DAB1: variants seen among roughly 807,000 people sequenced by gnomAD.
DAB1 encodes the protein DAB adaptor protein 1.
In DAB1, 15 loss-of-function variants were observed where a neutral mutation model predicts 64.6. The observed-to-expected ratio is 0.23, with a 90% CI of 0.16 to 0.36. DAB1 has a LOEUF of 0.36. Ranked by LOEUF, DAB1 falls within the 10% of genes least tolerant of loss-of-function variation. DAB1 has a pLI of 1.00. For synonymous variants in DAB1, 235 were observed against 251.9 expected, an observed-to-expected ratio of 0.93 and a Z score of 0.64; for missense variants, 596 against 706.7, an observed-to-expected ratio of 0.84 and a Z score of 1.78.
chr1:57,315,784 G>A lies in DAB1; in HGVS notation c.-136-24618C>T, dbSNP rs189882923. Among the ~76,000 whole-genome samples the A allele has an allele frequency of 3.9e-3, 597 of 152,298 alleles. 3 individuals carry two copies. Among genetic ancestry groups the A allele is most frequent in the Middle Eastern group, 6.8e-3 (2 of 294 alleles). On this transcript the variant is annotated intron_variant, in intron 1 of 14. Transcript: ENST00000371236. ...CCCAAAGTGCTGGGATTACAGGCAT[G>A]AGCCACCGCGCCCGGCCACCTATTA... is the stretch of plus-strand genomic sequence containing the variant.
At chr1:57,564,420 A>C (rs1645091477) in intron 7 of DAB1, among the ~76,000 whole-genome samples, 1 of 152,220 alleles carries the variant, frequency 6.6e-6, no homozygotes, top group Non-Finnish European at 1.5e-5. Flanking sequence ...CCAGCAACAG[A>C]ACAAAGCTGG....
At chr1:57,281,063 C>T (rs956144848) in intron 2 of DAB1, among the ~76,000 whole-genome samples, 4 of 151,868 alleles carry the variant, frequency 2.6e-5, no homozygotes, top group East Asian at 3.9e-4. Flanking sequence ...TTTTCGTGGC[C>T]GTAAGTTCAT....
intron 7 of DAB1, among the ~76,000 whole-genome samples, chr1:57,494,748 G>T (rs1266078013): frequency 6.6e-6 from 1 of 152,130 alleles, no homozygotes; most frequent in Non-Finnish European, 1.5e-5. Context: ...AATATAATTA[G>T]GCTTGGCTAA....
intron 5 of DAB1, among the ~76,000 whole-genome samples, chr1:58,038,877 C>T (rs921404405): frequency 2.0e-5 from 3 of 152,172 alleles, no homozygotes; most frequent in Non-Finnish European, 4.4e-5. Context: ...ACCAAAGATA[C>T]TTCAACGCTT....
intron 6 of DAB1, among the ~76,000 whole-genome samples, chr1:57,776,120 A>G (rs950757233): frequency 6.6e-6 from 1 of 151,698 alleles, no homozygotes; most frequent in Non-Finnish European, 1.5e-5. Context: ...TCTTGCAGAC[A>G]GCATATAAAG....
At chr1:57,529,936 T>C (rs1644641982) in intron 7 of DAB1, among the ~76,000 whole-genome samples, 1 of 152,072 alleles carries the variant, frequency 6.6e-6, no homozygotes, top group African/African-American at 2.4e-5. Flanking sequence ...CAATACACAT[T>C]TATCAAGTGC....
intron 7 of DAB1, among the ~76,000 whole-genome samples, chr1:57,630,336 T>G (rs1305230594): frequency 6.6e-6 from 1 of 152,124 alleles, no homozygotes; most frequent in Non-Finnish European, 1.5e-5. Context: ...TTTTTAAGAA[T>G]GATGAAAAAA....
intron 4 of DAB1, among the ~76,000 whole-genome samples, chr1:58,337,749 A>G (rs1006304635): frequency 2.0e-5 from 3 of 152,166 alleles, no homozygotes; most frequent in Non-Finnish European, 2.9e-5. Flanking sequence ...ATGAAAATGG[A>G]CACAATCTCT....
chr1:58,164,646 C>T (rs1655727729), intron 4 of DAB1, among the ~76,000 whole-genome samples: 1 of 152,194 alleles, frequency 6.6e-6, no homozygotes, highest in South Asian at 2.1e-4. Flanking sequence ...CATGATAACA[C>T]ATTACGAAAT....
At chr1:58,164,073 A>G (rs1356461507) in intron 4 of DAB1, among the ~76,000 whole-genome samples, 2 of 151,932 alleles carry the variant, frequency 1.3e-5, no homozygotes, top group African/African-American at 4.8e-5. Flanking sequence ...TAAAAACATG[A>G]GTGAAAAAAG....
At chr1:57,384,263 T>A (rs187403697) in intron 1 of DAB1, among the ~76,000 whole-genome samples, 1 of 152,030 alleles carries the variant, frequency 6.6e-6, no homozygotes, top group African/African-American at 2.4e-5. Flanking sequence ...AAATAACAAG[T>A]GTTGGTGATG....
At chr1:57,865,238 A>G (rs1654244896) in intron 1 of DAB1, among the ~76,000 whole-genome samples, 1 of 152,202 alleles carries the variant, frequency 6.6e-6, no homozygotes, top group Admixed American at 6.5e-5. Flanking sequence ...TTTCTTGGCA[A>G]TAAATAATCA....
At chr1:58,195,706 G>A (rs1657638330) in intron 4 of DAB1, among the ~76,000 whole-genome samples, 1 of 152,170 alleles carries the variant, frequency 6.6e-6, no homozygotes, top group Admixed American at 6.5e-5. Flanking sequence ...CAGTGCCTGT[G>A]TTCAAGTTAC....
downstream of DAB1, among the ~76,000 whole-genome samples, chr1:57,825,192 C>T (rs569851966): frequency 9.9e-5 from 15 of 152,150 alleles, no homozygotes; most frequent in African/African-American, 3.6e-4. Flanking sequence ...CCTGGTAACC[C>T]CAGACTGAGT....
intron 7 of DAB1, among the ~76,000 whole-genome samples, chr1:57,541,131 CT>C (rs533723819): frequency 0.024 from 3,417 of 142,364 alleles, 98 homozygotes; most frequent in African/African-American, 0.072. Context: ...ACTTTTCTTT[CT>C]TTTTTTTTTT....
chr1:58,233,495 A>C (rs1557707036), intron 4 of DAB1, among the ~76,000 whole-genome samples: 1 of 152,202 alleles, frequency 6.6e-6, no homozygotes, highest in Non-Finnish European at 1.5e-5. Flanking sequence ...AACTGCCTGC[A>C]GTGCGAGGAG....
chr1:58,203,042 G>A (rs1289518317), intron 4 of DAB1, among the ~76,000 whole-genome samples: 5 of 152,102 alleles, frequency 3.3e-5, no homozygotes, highest in Non-Finnish European at 7.4e-5. Flanking sequence ...CTGGAGTCTT[G>A]GAAATTTAAA....
chr1:57,084,234 A>G (rs1280915274), intron 4 of DAB1, among the ~76,000 whole-genome samples: 2 of 152,228 alleles, frequency 1.3e-5, no homozygotes, highest in East Asian at 3.9e-4. Context: ...AAATCTGGGC[A>G]CAGACATGTA....
At chr1:58,214,389 T>C (rs1158205270) in intron 4 of DAB1, among the ~76,000 whole-genome samples, 1 of 152,206 alleles carries the variant, frequency 6.6e-6, no homozygotes, top group Non-Finnish European at 1.5e-5. Flanking sequence ...GGAATATCAG[T>C]ACTTACGGGC....
Sources: allele counts gnomAD v4.1 joint callset (sites outside exome capture counted in the v4.1 genomes callset), GRCh38; gene constraint gnomAD v4.1.1; transcripts MANE v1.5; gene names NCBI Gene and HGNC (gene_info 2026-07-23, HGNC 2026-07-21).